OSBPL8: variants seen among roughly 807,000 people sequenced by gnomAD.
OSBPL8 encodes oxysterol-binding protein-related protein 8.
In OSBPL8, 59 loss-of-function variants were observed where a neutral mutation model predicts 125.5. That is an observed-to-expected ratio of 0.47 (90% CI 0.38 to 0.58). The LOEUF is 0.58. Ranked by LOEUF, OSBPL8 falls within the 20% of genes least tolerant of loss-of-function variation. The probability of loss-of-function intolerance (pLI) is 0.00; values close to 1 mark genes in which losing one functional copy is unlikely to be tolerated. For synonymous variants in OSBPL8, 330 were observed against 338.9 expected (o/e 0.97, Z 0.29); for missense variants, 758 against 1,047.8 (o/e 0.72, Z 3.82).
At chr12:76,489,890 G>A (rs1224614705) in intron 1 of OSBPL8, among the ~76,000 whole-genome samples, 1 of 152,180 alleles carries the variant, frequency 6.6e-6, no homozygotes, top group Non-Finnish European at 1.5e-5. Context: ...CATTCTAAAT[G>A]TCACTAAGTA....
intron 1 of OSBPL8, among the ~76,000 whole-genome samples, chr12:76,549,815 G>A (rs1950885066): frequency 6.6e-6 from 1 of 152,074 alleles, no homozygotes; most frequent in African/African-American, 2.4e-5. Context: ...TGTGAGAATA[G>A]AATGGAGACT....
At chr12:76,437,397 A>G (rs1377019094) in intron 4 of OSBPL8, among the ~76,000 whole-genome samples, 1 of 152,146 alleles carries the variant, frequency 6.6e-6, no homozygotes, top group Non-Finnish European at 1.5e-5. Context: ...GTGATTCTTA[A>G]TGATGTTGAG....
chr12:76,446,543 A>G (rs537065849), intron 4 of OSBPL8, among the ~76,000 whole-genome samples: 6 of 152,284 alleles, frequency 3.9e-5, no homozygotes, highest in Admixed American at 1.3e-4. Flanking sequence ...GCTGCTTTAA[A>G]TTAGAGGGTT....
chr12:76,514,909 A>C (rs1217159637), intron 1 of OSBPL8, among the ~76,000 whole-genome samples: 2 of 152,162 alleles, frequency 1.3e-5, no homozygotes, highest in East Asian at 1.9e-4. Flanking sequence ...TCAAGATCTG[A>C]GATTCTTTCC....
At chr12:76,362,107 C>T (rs73134987) in intron 21 of OSBPL8, among the ~76,000 whole-genome samples, 58 of 152,230 alleles carry the variant, frequency 3.8e-4, no homozygotes, top group Non-Finnish European at 6.2e-4. Flanking sequence ...ACTCCTACTT[C>T]AAATGCTGGA....
At chr12:76,365,171 G>A (rs1321721822) in intron 21 of OSBPL8, among the ~76,000 whole-genome samples, 3 of 152,088 alleles carry the variant, frequency 2.0e-5, no homozygotes, top group African/African-American at 4.8e-5. Context: ...GTCCAGTCTG[G>A]TCTCAAGCAG....
At position 76,355,689 on chromosome 12, in the gene OSBPL8, C is replaced by T; in HGVS notation, c.*200G>A. 3 of 539,536 alleles carry T rather than the reference C, an allele frequency of 5.6e-6. No homozygotes were observed. The South Asian group carries it at 7.6e-5, about 14-fold the overall frequency. The allele number at this position is 539,536 out of a possible 1,614,324, so 33.4% of individuals were successfully genotyped here. On this transcript the variant is annotated 3_prime_UTR_variant, in exon 24 of 24. Transcript: ENST00000261183. ...AAATGTCCTGGCACTTAACACATAG[C>T]TCACTTTAATAATCAAATAGGATAG... is the stretch of plus-strand genomic sequence containing the variant.
chr12:76,422,197 T>C (rs536157766), intron 4 of OSBPL8, among the ~76,000 whole-genome samples: 2 of 152,280 alleles, frequency 1.3e-5, no homozygotes, highest in African/African-American at 4.8e-5. Flanking sequence ...TATATAATTT[T>C]GTGTTTATCT....
At chr12:76,509,707 G>C (rs1436261873) in intron 1 of OSBPL8, among the ~76,000 whole-genome samples, 1 of 152,184 alleles carries the variant, frequency 6.6e-6, no homozygotes. Flanking sequence ...CAAACAAAAA[G>C]TTGGACACTG....
Position 76,384,302 on chromosome 12 carries a change from C to T in OSBPL8, c.1582G>A (p.Asp528Asn). The change falls in exon 15 of 24, where the codon GAT (aspartate) becomes AAT (asparagine). Residue 528 changes from aspartate (D) to asparagine (N), a missense_variant. Transcript: ENST00000261183. ...ATACTACCGCTAAGGCAAAATCCAT[C>T]TTTTCGATTACTAACATAAAAGGCA... ...ISAFYVSNRK[D>N]GFCLSGSILA... 1 of 1,570,872 alleles carries T rather than the reference C, an allele frequency of 6.4e-7. No individual in the cohort carries two copies. Among genetic ancestry groups the T allele is most frequent in the Non-Finnish European group, 8.7e-7 (1 of 1,152,280 alleles).
chr12:76,537,618 A>T (rs955692704), intron 1 of OSBPL8, among the ~76,000 whole-genome samples: 1 of 152,166 alleles, frequency 6.6e-6, no homozygotes, highest in East Asian at 1.9e-4. Context: ...AAAATATTAA[A>T]GGACAACAGG....
chr12:76,555,046 CTGTT>C (rs778668239), intron 1 of OSBPL8, among the ~76,000 whole-genome samples: 13 of 152,162 alleles, frequency 8.5e-5, no homozygotes, highest in East Asian at 3.8e-4. Flanking sequence ...ATGCAGATGT[CTGTT>C]TGTTTGCTCA....
At chr12:76,486,190 A>G (rs1021308572) in intron 2 of OSBPL8, 1 of 299,424 alleles carries the variant, frequency 3.3e-6, no homozygotes, top group African/African-American at 2.2e-5. Context: ...AATTCAAGAA[A>G]GGCTGGGACC....
intron 21 of OSBPL8, among the ~76,000 whole-genome samples, chr12:76,364,489 G>A (rs1319349649): frequency 2.0e-5 from 3 of 152,084 alleles, no homozygotes; most frequent in Admixed American, 6.6e-5. Context: ...ATCACACACC[G>A]GGACCTGTCG....
At chr12:76,492,254 G>C (rs1181598823) in intron 1 of OSBPL8, among the ~76,000 whole-genome samples, 1 of 152,178 alleles carries the variant, frequency 6.6e-6, no homozygotes, top group African/African-American at 2.4e-5. Flanking sequence ...TCTGAGGGAA[G>C]AGTCTGCAGG....
In OSBPL8 at chr12:76,356,621, A is replaced by T; in HGVS notation, c.2537+5T>A. On this transcript the variant is annotated splice_donor_5th_base_variant and intron_variant, in intron 23 of 23. Coordinates refer to ENST00000261183, the MANE Select transcript of OSBPL8 (RefSeq NM_020841.5). ...AATGAATAGTCAGTGTCATTATATT[A>T]TTACCTTTTAATTTCTTCCTGTGTT... The T allele has an allele frequency of 6.4e-7, 1 of 1,559,746 alleles. No individual in the cohort carries two copies. The highest frequency in any genetic ancestry group is 1.1e-5 in the South Asian group (1 of 89,054).
chr12:76,507,896 C>T (rs752454787), intron 1 of OSBPL8, among the ~76,000 whole-genome samples: 1 of 148,506 alleles, frequency 6.7e-6, no homozygotes, highest in African/African-American at 2.5e-5. Context: ...GATGGCTGGG[C>T]GCGGTGGCTC....
intron 1 of OSBPL8, among the ~76,000 whole-genome samples, chr12:76,498,074 G>A (rs1318401231): frequency 6.6e-6 from 1 of 152,174 alleles, no homozygotes; most frequent in Admixed American, 6.5e-5. Flanking sequence ...GTCAATGAAT[G>A]GCATATAGAT....
chr12:76,487,236 GC>G (rs1878245524), intron 2 of OSBPL8, among the ~76,000 whole-genome samples: 1 of 151,814 alleles, frequency 6.6e-6, no homozygotes, highest in African/African-American at 2.4e-5. Context: ...CGCCATTGTT[GC>G]CCAGGCTGGT....
Sources: allele counts gnomAD v4.1 joint callset (sites outside exome capture counted in the v4.1 genomes callset), GRCh38; gene constraint gnomAD v4.1.1; transcripts MANE v1.5; gene names NCBI Gene and HGNC (gene_info 2026-07-23, HGNC 2026-07-21).